PIP5K1B: variants seen among roughly 807,000 people sequenced by gnomAD.
PIP5K1B encodes the protein phosphatidylinositol 4-phosphate 5-kinase type-1 beta.
In PIP5K1B, 42 loss-of-function variants were observed where a neutral mutation model predicts 67.0. That is an observed-to-expected ratio of 0.63 (90% CI 0.49 to 0.81). PIP5K1B has a LOEUF of 0.81. PIP5K1B is among the 30% of genes least tolerant of loss of function. PIP5K1B has a pLI of 0.00. For missense variants in PIP5K1B, 459 were observed against 646.3 expected (o/e 0.71, Z 3.14); for synonymous variants, 214 against 231.4 (o/e 0.92, Z 0.68).
intron 2 of PIP5K1B, among the ~76,000 whole-genome samples, chr9:68,748,500 TATC>T (rs1450672635): frequency 6.6e-6 from 1 of 152,180 alleles, no homozygotes; most frequent in Non-Finnish European, 1.5e-5. Flanking sequence ...CAGACACTCA[TATC>T]ATGAAAGTTT....
At chr9:68,877,156 C>A (rs1245038693) in intron 6 of PIP5K1B, among the ~76,000 whole-genome samples, 1 of 152,186 alleles carries the variant, frequency 6.6e-6, no homozygotes, top group Non-Finnish European at 1.5e-5. Flanking sequence ...TTGTACCATT[C>A]CTCTCAACTA....
At chr9:68,991,332 A>C in intron 15 of PIP5K1B, 75 bp downstream of exon 15, 1 of 797,184 alleles carries the variant, frequency 1.3e-6, no homozygotes, top group Non-Finnish European at 2.2e-6. Context: ...ACACAAGAAC[A>C]AGTTCAATAA....
chr9:68,860,247 A>C (rs1480470956), intron 4 of PIP5K1B, among the ~76,000 whole-genome samples: 1 of 151,490 alleles, frequency 6.6e-6, no homozygotes, highest in Non-Finnish European at 1.5e-5. Flanking sequence ...CGAGTTCAAC[A>C]TTTTTAGATT....
At chr9:68,852,599 C>A (rs760797142) in intron 4 of PIP5K1B, among the ~76,000 whole-genome samples, 4 of 152,294 alleles carry the variant, frequency 2.6e-5, no homozygotes, top group Admixed American at 2.0e-4. Context: ...TTTGATGTGG[C>A]CTTACTGATG....
chr9:68,926,668 T>C (rs1177839875), intron 12 of PIP5K1B, among the ~76,000 whole-genome samples: 5 of 152,082 alleles, frequency 3.3e-5, no homozygotes, highest in Non-Finnish European at 7.4e-5. Flanking sequence ...GCCTCCTGGG[T>C]TCAAGTGATT....
intron 1 of PIP5K1B, among the ~76,000 whole-genome samples, chr9:68,733,889 C>T (rs1306425638): frequency 3.9e-5 from 6 of 152,116 alleles, no homozygotes; most frequent in Non-Finnish European, 7.4e-5. Flanking sequence ...CCACCCGCTT[C>T]GGCCTCCCAA....
intron 14 of PIP5K1B, among the ~76,000 whole-genome samples, chr9:68,954,379 C>T (rs1368206329): frequency 3.9e-5 from 6 of 152,102 alleles, no homozygotes; most frequent in Non-Finnish European, 7.4e-5. Context: ...TCTGTTTCTT[C>T]GTCTACAGAT....
At chr9:68,736,056 G>A (rs190537136) in intron 1 of PIP5K1B, among the ~76,000 whole-genome samples, 1 of 152,162 alleles carries the variant, frequency 6.6e-6, no homozygotes, top group Non-Finnish European at 1.5e-5. Context: ...GTCTGGGATG[G>A]AATCACGGAA....
chr9:68,747,173 C>A (rs547293765), intron 2 of PIP5K1B, among the ~76,000 whole-genome samples: 2 of 150,822 alleles, frequency 1.3e-5, no homozygotes, highest in Non-Finnish European at 3.0e-5. Flanking sequence ...CGTATAAGGC[C>A]CTGGGGGCAG....
At chr9:69,001,826 G>A (rs747423703) in intron 15 of PIP5K1B, among the ~76,000 whole-genome samples, 1 of 152,124 alleles carries the variant, frequency 6.6e-6, no homozygotes, top group African/African-American at 2.4e-5. Flanking sequence ...CAATTAGCAG[G>A]AGTCACTCAA....
intron 12 of PIP5K1B, among the ~76,000 whole-genome samples, chr9:68,934,373 G>T (rs1438564225): frequency 2.6e-4 from 40 of 152,158 alleles, no homozygotes; most frequent in Admixed American, 2.6e-3. Context: ...GTCACAGAAA[G>T]AAAAAAGCAA....
chr9:69,005,567 G>A (rs1831038292), intron 15 of PIP5K1B, among the ~76,000 whole-genome samples: 1 of 151,800 alleles, frequency 6.6e-6, no homozygotes, highest in African/African-American at 2.4e-5. Flanking sequence ...GTAGAGACGG[G>A]GTTTCTCCAT....
intron 4 of PIP5K1B, among the ~76,000 whole-genome samples, chr9:68,835,402 C>T (rs1262259484): frequency 6.6e-6 from 1 of 152,172 alleles, no homozygotes; most frequent in East Asian, 1.9e-4. Context: ...AATGGCTGAG[C>T]ATAGAAATAT....
At chr9:68,720,174 G>A (rs374777836) in intron 1 of PIP5K1B, among the ~76,000 whole-genome samples, 91 of 152,266 alleles carry the variant, frequency 6.0e-4, no homozygotes, top group African/African-American at 1.9e-3. Context: ...AGCTGTAACC[G>A]TTTTTCCCTT....
intron 4 of PIP5K1B, among the ~76,000 whole-genome samples, chr9:68,835,719 T>C (rs779630408): frequency 6.6e-6 from 1 of 152,200 alleles, no homozygotes; most frequent in Non-Finnish European, 1.5e-5. Context: ...GTAGTCCTTA[T>C]TATTGACTAT....
At chr9:68,869,363 T>A (rs566151203) in intron 5 of PIP5K1B, among the ~76,000 whole-genome samples, 21 of 152,292 alleles carry the variant, frequency 1.4e-4, no homozygotes, top group African/African-American at 5.1e-4. Flanking sequence ...TGCCCGATGA[T>A]CTGAGATGGA....
chr9:68,908,906 G>A (rs761622355), intron 8 of PIP5K1B, among the ~76,000 whole-genome samples: 12 of 152,154 alleles, frequency 7.9e-5, no homozygotes, highest in Admixed American at 7.9e-4. Flanking sequence ...AGGCCAACTG[G>A]AAACATTACT....
At position 68,995,623 on chromosome 9, in the gene PIP5K1B, T is replaced by C. The variant is rs1830570034; in HGVS notation, c.1620+4366T>C. Among the ~76,000 whole-genome samples, 3 of 152,022 alleles carry C rather than the reference T, an allele frequency of 2.0e-5. No homozygotes were observed. In the South Asian group the frequency reaches 6.2e-4, roughly 32 times the overall value. Reference sequence around the variant, plus strand: ...GAATTCGAGACCAGCCTGACCAACATGGAGAAACCCTATCTCTACTAAAAC... The same window carrying C: ...GAATTCGAGACCAGCCTGACCAACACGGAGAAACCCTATCTCTACTAAAAC... On this transcript the variant is annotated intron_variant, in intron 15 of 15. Coordinates refer to ENST00000265382, the MANE Select transcript of PIP5K1B (RefSeq NM_003558.4).
In PIP5K1B at chr9:68,839,764, C is replaced by T. The variant is rs113632240; in HGVS notation, c.69+17081C>T. Among the ~76,000 whole-genome samples the T allele has an allele frequency of 1.3e-3, 202 of 152,284 alleles. 1 individual carries two copies. The highest frequency in any genetic ancestry group is 4.7e-3 in the African/African-American group (194 of 41,560). On this transcript the variant is annotated intron_variant, in intron 4 of 15. Transcript: ENST00000265382. ...ATGTAACCAGAGCCTGAGATGGAGA[C>T]GTCTTGCAGAAAGAGGAGGAGAAAT...
Sources: allele counts gnomAD v4.1 joint callset (sites outside exome capture counted in the v4.1 genomes callset), GRCh38; gene constraint gnomAD v4.1.1; transcripts MANE v1.5; gene names NCBI Gene and HGNC (gene_info 2026-07-23, HGNC 2026-07-21).